Variants in ADGRB2 observed in about 807,000 individuals in gnomAD.
The protein encoded by ADGRB2 is brain-specific angiogenesis inhibitor 2.
In ADGRB2, 47 loss-of-function variants were observed where a neutral mutation model predicts 178.7. The observed-to-expected ratio is 0.26, with a 90% CI of 0.21 to 0.34. The LOEUF is 0.34. Ranked by LOEUF, ADGRB2 falls within the 10% of genes least tolerant of loss-of-function variation. ADGRB2 has a pLI of 1.00. For synonymous variants in ADGRB2, 870 were observed against 912.4 expected, an observed-to-expected ratio of 0.95 and a Z score of 0.84; for missense variants, 1,584 against 2,180.8, an observed-to-expected ratio of 0.73 and a Z score of 5.45.
At position 31,741,929 on chromosome 1, in the gene ADGRB2, G is replaced by A; in HGVS notation, c.1456C>T (p.Leu486=). Residue 486 remains leucine, a synonymous_variant, in exon 9 of 33, where the codon CTG becomes TTG. Coordinates refer to ENST00000373658, the MANE Select transcript of ADGRB2 (RefSeq NM_001364857.2). This position sits in a 1 kb window ranked among gnomAD's most constrained non-coding sequence, Gnocchi z 6.5. ...SKWGPWNAWS[L]CSKTCDTGWQ... Reference sequence around the variant, plus strand: ...CCTGTGTCACACGTCTTAGAGCACAGGCTCCACGCATTCCATGGCCCCCAC... The same window carrying A: ...CCTGTGTCACACGTCTTAGAGCACAAGCTCCACGCATTCCATGGCCCCCAC... 6.2e-7 allele frequency: 1 copy of A among 1,604,162 alleles called. No homozygotes were observed. Among genetic ancestry groups the A allele is most frequent in the Non-Finnish European group, 8.5e-7 (1 of 1,172,806 alleles).
Position 31,744,420 on chromosome 1 carries a change from T to C in ADGRB2, c.923-63A>G. The C allele has an allele frequency of 6.5e-7, 1 of 1,533,060 alleles. No individual in the cohort carries two copies. Among genetic ancestry groups the C allele is most frequent in the Admixed American group, 2.1e-5 (1 of 47,650 alleles). 95.0% of individuals were successfully genotyped at this position (1,533,060 alleles called of 1,614,324 possible). On this transcript the variant is annotated intron_variant, in intron 5 of 32. Transcript: ENST00000373658. The surrounding 1 kb of genome is among the most constrained non-coding windows in gnomAD (Gnocchi z 6.7). Reference sequence around the variant, plus strand: ...TCCCAAGCACTCAGTCTCATAGGGATAGGGGGAGTGGCAGTAAGGTGGGGG... The same window carrying C: ...TCCCAAGCACTCAGTCTCATAGGGACAGGGGGAGTGGCAGTAAGGTGGGGG...
intron 15 of ADGRB2, 166 bp downstream of exon 15, chr1:31,739,142 T>G: frequency 1.1e-6 from 1 of 903,362 alleles, no homozygotes; most frequent in Non-Finnish European, 1.6e-6. Flanking sequence ...CTGAGAGCAG[T>G]ATGGATAAAT....
In ADGRB2 at chr1:31,740,521, C is replaced by T. The variant is rs1457605208; in HGVS notation, c.1815G>A (p.Lys605=). The change falls in exon 12 of 33, where the codon AAG becomes AAA. Residue 605 remains lysine (K), a synonymous_variant. Coordinates refer to ENST00000373658, the MANE Select transcript of ADGRB2 (RefSeq NM_001364857.2). This position sits in a 1 kb window ranked among gnomAD's most constrained non-coding sequence, Gnocchi z 5.9. ...LYLSLREHLA[K]GQRMLAGEGM... is the part of the protein sequence containing the mutation. The stretch of plus-strand genomic sequence containing the variant: ...CCTCGCCTGCCAGCATGCGCTGCCC[C>T]TTGGCCAGGTGCTCCCTAAGCTGTA... 1 of 1,609,364 alleles carries T rather than the reference C, an allele frequency of 6.2e-7. No individual in the cohort carries two copies. Among genetic ancestry groups the T allele is most frequent in the South Asian group, 1.1e-5 (1 of 90,540 alleles).
Position 31,728,567 on chromosome 1 carries a change from T to C in ADGRB2, c.4416+31A>G. 3 of 1,613,870 alleles carry C rather than the reference T, an allele frequency of 1.9e-6. No homozygotes were observed. The highest frequency in any genetic ancestry group is 2.5e-6 in the Non-Finnish European group (3 of 1,179,848). On this transcript the variant is annotated intron_variant, in intron 30 of 32. Transcript: ENST00000373658. The surrounding 1 kb of genome is among the most constrained non-coding windows in gnomAD (Gnocchi z 6.7). ...CAGGGACAGACACCACAGCCAGATG[T>C]CCCACCGCCCAGCACACACATGGCC...
chr1:31,741,310 T>A lies in ADGRB2; in HGVS notation c.1794+63A>T. 6.7e-7 allele frequency: 1 copy of A among 1,493,164 alleles called. No homozygotes were observed. The highest frequency in any genetic ancestry group is 9.1e-7 in the Non-Finnish European group (1 of 1,095,014). The allele number at this position is 1,493,164 out of a possible 1,614,324, so 92.5% of individuals were successfully genotyped here. On this transcript the variant is annotated intron_variant, in intron 11 of 32. Coordinates refer to ENST00000373658, the MANE Select transcript of ADGRB2 (RefSeq NM_001364857.2). The surrounding 1 kb of genome is among the most constrained non-coding windows in gnomAD (Gnocchi z 6.5). ...GGGAACGAGCGAGAATCACGCTCCC[T>A]CCACCCCCTAGCAGAGTCTGAGACA...
At position 31,755,983 on chromosome 1, in the gene ADGRB2, C is replaced by G; in HGVS notation, c.838+16G>C. On this transcript the variant is annotated intron_variant, in intron 4 of 32. Transcript: ENST00000373658. This position sits in a 1 kb window ranked among gnomAD's most constrained non-coding sequence, Gnocchi z 5.1. ...CCCTGCAGACCCCGCCCCACCCAGGCCCTGCTGAGACTCACCATATCTCAT... is the reference window on the plus strand; with the variant it reads ...CCCTGCAGACCCCGCCCCACCCAGGGCCTGCTGAGACTCACCATATCTCAT... 1 of 1,588,600 alleles carries G rather than the reference C, an allele frequency of 6.3e-7. No individual in the cohort carries two copies. The highest frequency in any genetic ancestry group is 8.6e-7 in the Non-Finnish European group (1 of 1,163,290).
Position 31,757,252 on chromosome 1 carries a change from A to G in ADGRB2, c.-31T>C. 6.2e-7 allele frequency: 1 copy of G among 1,614,052 alleles called. No homozygotes were observed. Among genetic ancestry groups the G allele is most frequent in the South Asian group, 1.1e-5 (1 of 91,080 alleles). ...TTGCTCTCCATCCCCGTGTGTCGTG[A>G]TCAGCTGTGAGGCATGTCACCGCGT... On this transcript the variant is annotated 5_prime_UTR_variant, in exon 3 of 33. Coordinates refer to ENST00000373658, the MANE Select transcript of ADGRB2 (RefSeq NM_001364857.2).
Position 31,741,297 on chromosome 1 carries a change from G to A in ADGRB2, c.1794+76C>T. On this transcript the variant is annotated intron_variant, in intron 11 of 32. Transcript: ENST00000373658. The surrounding 1 kb of genome is among the most constrained non-coding windows in gnomAD (Gnocchi z 6.5). The stretch of plus-strand genomic sequence containing the variant: ...TGCCAAGGCACGTGGGAACGAGCGA[G>A]AATCACGCTCCCTCCACCCCCTAGC... 1.4e-6 allele frequency: 2 copies of A among 1,443,268 alleles called. No homozygotes were observed. Among genetic ancestry groups the A allele is most frequent in the South Asian group, 1.3e-5 (1 of 79,676 alleles). 89.4% of individuals were successfully genotyped at this position (1,443,268 alleles called of 1,614,324 possible).
rs1645982337 is a variant in ADGRB2 at position 31,741,755 on chromosome 1, G to T, written c.1586-30C>A. On this transcript the variant is annotated intron_variant, in intron 9 of 32. Coordinates refer to ENST00000373658, the MANE Select transcript of ADGRB2 (RefSeq NM_001364857.2). The surrounding 1 kb of genome is among the most constrained non-coding windows in gnomAD (Gnocchi z 6.5). ...GGGTGCAGGGGTAAGGTTCAGCTGG[G>T]TCCACACATGGGGCCCCCAGCCCCC... 2 of 1,602,842 alleles carry T rather than the reference G, an allele frequency of 1.2e-6. No homozygotes were observed. The highest frequency in any genetic ancestry group is 1.7e-6 in the Non-Finnish European group (2 of 1,171,890).
chr1:31,742,177 G>C lies in ADGRB2; in HGVS notation c.1293C>G (p.Cys431Trp). ...QWLEWGPWGP[C>W]STSCANGTQQ... ...GGGTCCCATTGGCACAGGACGTGGA[G>C]CATGGGCCCCAGGGACCCCATTCTA... The change falls in exon 8 of 33, where the codon TGC (cysteine) becomes TGG (tryptophan). Residue 431 changes from cysteine (C) to tryptophan (W), a missense_variant. By Grantham distance (215) the Cys-to-Trp change is radical. Coordinates refer to ENST00000373658, the MANE Select transcript of ADGRB2 (RefSeq NM_001364857.2). 6.2e-7 allele frequency: 1 copy of C among 1,612,318 alleles called. No individual in the cohort carries two copies. The highest frequency in any genetic ancestry group is 8.5e-7 in the Non-Finnish European group (1 of 1,179,324).
chr1:31,727,731 G>T lies in ADGRB2; in HGVS notation c.4573-126C>A. On this transcript the variant is annotated intron_variant, in intron 32 of 32. Coordinates refer to ENST00000373658, the MANE Select transcript of ADGRB2 (RefSeq NM_001364857.2). The surrounding 1 kb of genome is among the most constrained non-coding windows in gnomAD (Gnocchi z 4.4). ...AAGTTATGGAGCAATCAGGTGTCAA[G>T]CAGAATTCAAATACAGACCTGCCTG... is the stretch of plus-strand genomic sequence containing the variant. The T allele has an allele frequency of 1.8e-6, 2 of 1,120,862 alleles. No homozygotes were observed. Among genetic ancestry groups the T allele is most frequent in the Non-Finnish European group, 2.4e-6 (2 of 819,056 alleles). 69.4% of individuals were successfully genotyped at this position (1,120,862 alleles called of 1,614,324 possible). A position where few individuals can be genotyped will look rare whatever the true frequency, so the allele number is the denominator to read the frequency against.
chr1:31,732,083 G>A (rs1395425212), intron 28 of ADGRB2, 32 bp downstream of exon 28: 9 of 1,613,606 alleles, frequency 5.6e-6, no homozygotes, highest in Non-Finnish European at 6.8e-6. Context: ...CCAACCCCAG[G>A]ACCATTCTCA....
At position 31,735,234 on chromosome 1, in the gene ADGRB2, C is replaced by A; in HGVS notation, c.3401G>T (p.Cys1134Phe). 1 of 1,466,094 alleles carries A rather than the reference C, an allele frequency of 6.8e-7. No homozygotes were observed. The highest frequency in any genetic ancestry group is 9.1e-7 in the Non-Finnish European group (1 of 1,102,774). 90.8% of individuals were successfully genotyped at this position (1,466,094 alleles called of 1,614,324 possible). ...WASLLLPCSA[C>F]GAVPSPLLSS... ...GAGCAGGGGGCTGGGGACCGCTCCA[C>A]ACGCTGAGCAGGGGAGGAGCAGGCT... The change falls in exon 25 of 33, where the codon TGT (cysteine) becomes TTT (phenylalanine). Residue 1134 changes from cysteine to phenylalanine, a missense_variant. By Grantham distance (205) the Cys-to-Phe change is radical. Coordinates refer to ENST00000373658, the MANE Select transcript of ADGRB2 (RefSeq NM_001364857.2). The surrounding 1 kb of genome is among the most constrained non-coding windows in gnomAD (Gnocchi z 6.0).
In ADGRB2 at chr1:31,755,936, G is replaced by A. The variant is rs561569409; in HGVS notation, c.838+63C>T. Reference sequence around the variant, plus strand: ...TGCATGGCCGAGGATCTGCCAGGATGGACACCAGGGACACTGTCAGCCCCT... The same window carrying A: ...TGCATGGCCGAGGATCTGCCAGGATAGACACCAGGGACACTGTCAGCCCCT... On this transcript the variant is annotated intron_variant, in intron 4 of 32. Coordinates refer to ENST00000373658, the MANE Select transcript of ADGRB2 (RefSeq NM_001364857.2). The surrounding 1 kb of genome is among the most constrained non-coding windows in gnomAD (Gnocchi z 5.1). 3 of 1,539,588 alleles carry A rather than the reference G, an allele frequency of 1.9e-6. No individual in the cohort carries two copies. The highest frequency in any genetic ancestry group is 1.2e-5 in the South Asian group (1 of 80,146).
intron 14 of ADGRB2, 40 bp from the exon 15 acceptor site, chr1:31,739,675 C>T: frequency 6.5e-7 from 1 of 1,540,224 alleles, no homozygotes. Context: ...GACAGAGGGG[C>T]AGAAACAAAG....
In ADGRB2 at chr1:31,736,380, G is replaced by A. The variant is rs765475553; in HGVS notation, c.3141C>T (p.Ala1047=). The A allele has an allele frequency of 6.2e-7, 1 of 1,614,026 alleles. No homozygotes were observed. The highest frequency in any genetic ancestry group is 1.7e-5 in the Admixed American group (1 of 60,012). The change falls in exon 22 of 33, where the codon GCC becomes GCT. Residue 1047 remains alanine, a synonymous_variant. Coordinates refer to ENST00000373658, the MANE Select transcript of ADGRB2 (RefSeq NM_001364857.2). ...AGCCAACAGACACGGCCACCACCAG[G>A]GCAGGCAGACCTGGGGGAGCAGGGG... ...RFLCLGWGLP[A]LVVAVSVGFT...
Position 31,732,498 on chromosome 1 carries a change from G to A in ADGRB2, c.3720+19C>T, listed in dbSNP as rs1557736911. On this transcript the variant is annotated intron_variant, in intron 27 of 32. Transcript: ENST00000373658. ...GGTGCCCAGAATCTGCCCAGGCCCTGCCCAGGCCCCTAACTCACCAGGATC... is the reference window on the plus strand; with the variant it reads ...GGTGCCCAGAATCTGCCCAGGCCCTACCCAGGCCCCTAACTCACCAGGATC... 1.2e-6 allele frequency: 2 copies of A among 1,613,570 alleles called. No individual in the cohort carries two copies. Among genetic ancestry groups the A allele is most frequent in the African/African-American group, 2.7e-5 (2 of 74,926 alleles).
Position 31,735,457 on chromosome 1 carries a change from T to G in ADGRB2, c.3353+123A>C. 1 of 1,358,464 alleles carries G rather than the reference T, an allele frequency of 7.4e-7. No individual in the cohort carries two copies. Among genetic ancestry groups the G allele is most frequent in the Non-Finnish European group, 1.0e-6 (1 of 971,616 alleles). 84.2% of individuals were successfully genotyped at this position (1,358,464 alleles called of 1,614,324 possible). Reference sequence around the variant, plus strand: ...CCGGGTGCCCACCTTGCCTGCAACCTTGATGCACCAAGGTTGGGGAGCCCC... The same window carrying G: ...CCGGGTGCCCACCTTGCCTGCAACCGTGATGCACCAAGGTTGGGGAGCCCC... On this transcript the variant is annotated intron_variant, in intron 24 of 32. Coordinates refer to ENST00000373658, the MANE Select transcript of ADGRB2 (RefSeq NM_001364857.2). The surrounding 1 kb of genome is among the most constrained non-coding windows in gnomAD (Gnocchi z 6.0).
At chr1:31,748,987 G>A (rs1489811587) in intron 4 of ADGRB2, among the ~76,000 whole-genome samples, 1 of 152,154 alleles carries the variant, frequency 6.6e-6, no homozygotes, top group Non-Finnish European at 1.5e-5. Flanking sequence ...CAGAGGCCGT[G>A]CTCTTTCCAC....
Sources: gnomAD v4.1 joint callset for allele counts (sites outside exome capture counted in the v4.1 genomes callset) on GRCh38, gnomAD v4.1.1 for gene constraint, Gnocchi (gnomAD v3.1) non-coding constraint, MANE v1.5 for transcripts, NCBI Gene and HGNC (gene_info 2026-07-23, HGNC 2026-07-21) for gene names.